CDC20B: variants seen among roughly 807,000 people sequenced by gnomAD.
The protein encoded by CDC20B is cell division cycle 20B.
CDC20B carries 58 observed loss-of-function variants against 64.1 expected under a neutral mutation model. The ratio of observed to expected loss-of-function variants is 0.90; its 90% CI spans 0.73 to 1.13. CDC20B has a LOEUF of 1.13. Ranked by LOEUF, CDC20B falls within the 50% of genes most tolerant of loss-of-function variation. The pLI is 0.00. For missense variants in CDC20B, 597 were observed against 633.0 expected, an observed-to-expected ratio of 0.94 and a Z score of 0.61; for synonymous variants, 243 against 230.6, an observed-to-expected ratio of 1.05 and a Z score of -0.49.
At chr5:55,116,898 C>T (rs1742637615) in intron 11 of CDC20B, among the ~76,000 whole-genome samples, 1 of 152,208 alleles carries the variant, frequency 6.6e-6, no homozygotes, top group African/African-American at 2.4e-5. Context: ...GACGCAAAGA[C>T]ATTCTTGAAG....
In CDC20B at chr5:55,127,356, A is replaced by G. The variant is rs1445892910; in HGVS notation, c.895-5T>C. The G allele has an allele frequency of 1.2e-6, 2 of 1,612,028 alleles. No individual in the cohort carries two copies. The highest frequency in any genetic ancestry group is 1.1e-5 in the South Asian group (1 of 91,030). On this transcript the variant is annotated splice_region_variant and splice_polypyrimidine_tract_variant and intron_variant, in intron 7 of 11. Transcript: ENST00000381375. Reference sequence around the variant, plus strand: ...TTTAGTTACCACATCCCATAACTGAAAAAATGAACAAGGAGAGTTATGTAG... The same window carrying G: ...TTTAGTTACCACATCCCATAACTGAGAAAATGAACAAGGAGAGTTATGTAG...
At chr5:55,120,572 C>T (rs761559128) in intron 9 of CDC20B, 22 bp from the exon 10 acceptor site, 1 of 1,611,066 alleles carries the variant, frequency 6.2e-7, no homozygotes, top group East Asian at 2.2e-5. Flanking sequence ...CACATAATAG[C>T]ACAGACAGGT....
At chr5:55,117,614 C>A (rs1234432041) in intron 11 of CDC20B, among the ~76,000 whole-genome samples, 2 of 152,106 alleles carry the variant, frequency 1.3e-5, no homozygotes, top group African/African-American at 4.8e-5. Context: ...ACAATGGAAA[C>A]ACAGCCTCAC....
intron 2 of CDC20B, among the ~76,000 whole-genome samples, chr5:55,168,534 T>A (rs574968022): frequency 1.0e-3 from 154 of 152,280 alleles, no homozygotes; most frequent in Middle Eastern, 3.4e-3. Flanking sequence ...CTTTAACATA[T>A]TTTTTATTTC....
intron 4 of CDC20B, among the ~76,000 whole-genome samples, chr5:55,142,317 C>G (rs116453449): frequency 9.2e-5 from 14 of 152,134 alleles, no homozygotes; most frequent in African/African-American, 3.1e-4. Flanking sequence ...ACTCTCGATG[C>G]TATTTGACTT....
intron 2 of CDC20B, among the ~76,000 whole-genome samples, chr5:55,148,160 T>C (rs1743551782): frequency 6.6e-6 from 1 of 152,152 alleles, no homozygotes. Flanking sequence ...AGACAATTCA[T>C]AAAAGAGATA....
rs772892084 is a variant in CDC20B, at chr5:55,128,404, A to C, written c.894+17T>G. The C allele has an allele frequency of 6.4e-7, 1 of 1,569,426 alleles. No individual in the cohort carries two copies. Among genetic ancestry groups the C allele is most frequent in the South Asian group, 1.2e-5 (1 of 82,438 alleles). ...TACACAGAGAACATGATGAGAAAAAAAAAAACTGGCCAGTACTTGCACTTC... is the reference window on the plus strand; with the variant it reads ...TACACAGAGAACATGATGAGAAAAACAAAAACTGGCCAGTACTTGCACTTC... On this transcript the variant is annotated intron_variant, in intron 7 of 11. Transcript: ENST00000381375.
At position 55,141,723 on chromosome 5, in the gene CDC20B, T is replaced by C. The variant is rs984860399; in HGVS notation, c.487-1316A>G. Among the ~76,000 whole-genome samples the C allele has an allele frequency of 2.6e-5, 4 of 152,224 alleles. No homozygotes were observed. In the East Asian group the frequency reaches 5.8e-4, roughly 22 times the overall value. On this transcript the variant is annotated intron_variant, in intron 4 of 11. Transcript: ENST00000381375. Reference sequence around the variant, plus strand: ...TGTTATGTCACATAATTGGCATTGCTGTCAATGAATCGTGGTTTTTAGTTA... The same window carrying C: ...TGTTATGTCACATAATTGGCATTGCCGTCAATGAATCGTGGTTTTTAGTTA...
rs148060474 is a variant in CDC20B at position 55,147,781 on chromosome 5, A to G, written c.127-925T>C. 2.8e-3 allele frequency among the ~76,000 whole-genome samples: 428 copies of G among 152,310 alleles called. 2 individuals carry two copies. The highest frequency in any genetic ancestry group is 9.6e-3 in the African/African-American group (399 of 41,574). On this transcript the variant is annotated intron_variant, in intron 2 of 11. Transcript: ENST00000381375. ...CAGTGTAAAATATGACATATGATAT[A>G]ACACTATGTACTGAACATGCAAGAT...
chr5:55,160,772 C>A (rs1391560395), intron 2 of CDC20B: 3 of 501,370 alleles, frequency 6.0e-6, no homozygotes, highest in African/African-American at 4.0e-5. Flanking sequence ...AATAAACTTT[C>A]ATGAGTATCT....
chr5:55,154,494 G>T (rs182023868), intron 2 of CDC20B, among the ~76,000 whole-genome samples: 1 of 152,136 alleles, frequency 6.6e-6, no homozygotes, highest in Non-Finnish European at 1.5e-5. Flanking sequence ...TGCAGCCTGG[G>T]TGACAGAGTG....
intron 5 of CDC20B, chr5:55,137,309 C>T (rs1743204592): frequency 2.2e-5 from 7 of 325,308 alleles, no homozygotes; most frequent in South Asian, 1.9e-4. Flanking sequence ...ACGCTCACAA[C>T]ACCACCATCC....
chr5:55,139,416 C>T (rs899586805), intron 5 of CDC20B, among the ~76,000 whole-genome samples: 1 of 152,104 alleles, frequency 6.6e-6, no homozygotes, highest in Non-Finnish European at 1.5e-5. Flanking sequence ...GTTCAGCAGG[C>T]TCTGAAAGGG....
intron 5 of CDC20B, among the ~76,000 whole-genome samples, chr5:55,139,557 T>C (rs531402488): frequency 6.6e-6 from 1 of 152,244 alleles, no homozygotes; most frequent in East Asian, 1.9e-4. Context: ...AAATGAAAAC[T>C]AAGGCAACTT....
At chr5:55,116,278 C>T (rs1043109601) in intron 11 of CDC20B, among the ~76,000 whole-genome samples, 1 of 152,176 alleles carries the variant, frequency 6.6e-6, no homozygotes, top group African/African-American at 2.4e-5. Context: ...TGGCACACGC[C>T]TGCAGTCCCA....
intron 2 of CDC20B, among the ~76,000 whole-genome samples, chr5:55,170,101 G>A (rs1184085870): frequency 2.7e-5 from 4 of 150,502 alleles, no homozygotes; most frequent in Non-Finnish European, 3.0e-5. Context: ...GCGACAAAGC[G>A]AGACTCCGTC....
intron 2 of CDC20B, among the ~76,000 whole-genome samples, chr5:55,156,432 A>C (rs1743809686): frequency 6.6e-6 from 1 of 152,228 alleles, no homozygotes; most frequent in African/African-American, 2.4e-5. Context: ...TTGGTTATGA[A>C]GTCGAAAGTT....
intron 2 of CDC20B, among the ~76,000 whole-genome samples, chr5:55,152,967 G>A (rs1022149483): frequency 3.9e-5 from 6 of 152,108 alleles, no homozygotes; most frequent in Non-Finnish European, 5.9e-5. Flanking sequence ...GGGCAGGCAC[G>A]GTGGCTCACG....
rs918800403 is a variant in CDC20B, at chr5:55,124,766, A to G, written c.1215+37T>C. 5 of 1,546,426 alleles carry G rather than the reference A, an allele frequency of 3.2e-6. No homozygotes were observed. In the Admixed American group the frequency reaches 5.1e-5, roughly 16 times the overall value. On this transcript the variant is annotated intron_variant, in intron 9 of 11. Transcript: ENST00000381375. The stretch of plus-strand genomic sequence containing the variant: ...TGTGAAGGATACCCAGTGGCCTCTG[A>G]GTAACAGGAAACCTAGAAATCTATT...
Sources: gnomAD v4.1 joint callset for allele counts (sites outside exome capture counted in the v4.1 genomes callset) on GRCh38, gnomAD v4.1.1 for gene constraint, MANE v1.5 for transcripts, NCBI Gene and HGNC (gene_info 2026-07-23, HGNC 2026-07-21) for gene names.